Variants in ZBTB20 observed in about 807,000 individuals in gnomAD.
ZBTB20 encodes zinc finger and BTB domain containing 20.
In ZBTB20, 9 loss-of-function variants were observed where a neutral mutation model predicts 56.9. The observed-to-expected ratio is 0.16, with a 90% confidence interval of 0.10 to 0.28. ZBTB20 has a LOEUF of 0.28. Ranked by LOEUF, ZBTB20 falls within the 10% of genes least tolerant of loss-of-function variation. ZBTB20 has a pLI of 1.00. For missense variants in ZBTB20, 655 were observed against 1,003.0 expected (o/e 0.65, Z 4.69); for synonymous variants, 417 against 420.7 (o/e 0.99, Z 0.11).
intron 7 of ZBTB20, among the ~76,000 whole-genome samples, chr3:114,487,387 T>C (rs1332471464): frequency 6.6e-6 from 1 of 152,196 alleles, no homozygotes; most frequent in Non-Finnish European, 1.5e-5. Context: ...CTCCTTAGCT[T>C]GTAGTTGGCC....
In ZBTB20 at chr3:114,350,850, C is replaced by G; in HGVS notation, c.1228G>C (p.Glu410Gln). ...RDSQAEPTQP[E>Q]QAAEAPAEGG... is the part of the protein sequence containing the mutation. ...TCAGCGGGGGCTTCTGCAGCCTGCTCGGGTTGGGTGGGTTCAGCCTGGCTG... is the reference window on the plus strand; with the variant it reads ...TCAGCGGGGGCTTCTGCAGCCTGCTGGGGTTGGGTGGGTTCAGCCTGGCTG... Residue 410 changes from glutamate (E) to glutamine (Q), a missense_variant, in exon 11 of 12, where the codon GAG (glutamate) becomes CAG (glutamine). This residue lies in a region of ZBTB20 where 156 missense variants were observed against 181.0 expected (regional missense o/e 0.86). Coordinates refer to ENST00000675478, the MANE Select transcript of ZBTB20 (RefSeq NM_001348800.3). 2 of 1,611,736 alleles carry G rather than the reference C, an allele frequency of 1.2e-6. No individual in the cohort carries two copies. The highest frequency in any genetic ancestry group is 1.1e-5 in the South Asian group (1 of 91,076).
chr3:114,800,554 C>G (rs577012033), intron 5 of ZBTB20, among the ~76,000 whole-genome samples: 1 of 151,748 alleles, frequency 6.6e-6, no homozygotes, highest in Non-Finnish European at 1.5e-5. Context: ...GGGGAACACA[C>G]GCACACAAGG....
intron 5 of ZBTB20, chr3:114,710,435 T>G (rs1489415373): frequency 6.6e-6 from 1 of 152,204 alleles, no homozygotes; most frequent in East Asian, 1.9e-4. Flanking sequence ...TGGAAAAGAA[T>G]TTCAAATTCA....
chr3:114,783,905 C>A (rs1478292783), intron 5 of ZBTB20, among the ~76,000 whole-genome samples: 3 of 151,750 alleles, frequency 2.0e-5, no homozygotes, highest in Non-Finnish European at 4.4e-5. Context: ...AGAGTAAAAT[C>A]TTGTTTGGAC....
intron 1 of ZBTB20, among the ~76,000 whole-genome samples, chr3:115,109,870 C>T (rs541275592): frequency 1.3e-5 from 2 of 152,174 alleles, no homozygotes; most frequent in South Asian, 4.2e-4. Context: ...AAATAGCTTT[C>T]AAAAGCGATG....
At chr3:114,498,607 G>A (rs1255323313) in intron 7 of ZBTB20, among the ~76,000 whole-genome samples, 1 of 152,200 alleles carries the variant, frequency 6.6e-6, no homozygotes, top group Non-Finnish European at 1.5e-5. Context: ...AACAAGCCAA[G>A]CAAACATGAA....
intron 6 of ZBTB20, among the ~76,000 whole-genome samples, chr3:114,688,732 A>C (rs1252343681): frequency 6.6e-6 from 1 of 152,248 alleles, no homozygotes; most frequent in African/African-American, 2.4e-5. Context: ...ATAATTAATT[A>C]TAAGAGTCTT....
intron 5 of ZBTB20, among the ~76,000 whole-genome samples, chr3:114,770,668 T>G (rs2069132524): frequency 6.6e-6 from 1 of 152,244 alleles, no homozygotes; most frequent in Admixed American, 6.5e-5. Context: ...GTATGTTACC[T>G]TCATTTTCAT....
chr3:114,794,420 C>T (rs956015704), intron 5 of ZBTB20, among the ~76,000 whole-genome samples: 3 of 152,016 alleles, frequency 2.0e-5, no homozygotes, highest in Non-Finnish European at 2.9e-5. Flanking sequence ...AATTTAGCTC[C>T]TGAGTATTGG....
At chr3:114,735,361 A>G (rs911615107) in intron 5 of ZBTB20, among the ~76,000 whole-genome samples, 1 of 152,124 alleles carries the variant, frequency 6.6e-6, no homozygotes, top group Non-Finnish European at 1.5e-5. Context: ...CCTGCAACTC[A>G]AGGCAGTATG....
intron 1 of ZBTB20, among the ~76,000 whole-genome samples, chr3:115,079,206 G>A (rs554629038): frequency 1.1e-4 from 16 of 152,094 alleles, no homozygotes; most frequent in Non-Finnish European, 2.1e-4. Context: ...TCAACACACT[G>A]TATGAATTGC....
intron 5 of ZBTB20, among the ~76,000 whole-genome samples, chr3:114,745,765 T>C (rs566536360): frequency 6.6e-6 from 1 of 152,232 alleles, no homozygotes; most frequent in East Asian, 1.9e-4. Context: ...GAGAGAGAAC[T>C]AACCACATAA....
intron 4 of ZBTB20, among the ~76,000 whole-genome samples, chr3:114,817,455 T>C (rs2073003428): frequency 6.6e-6 from 1 of 151,354 alleles, no homozygotes; most frequent in South Asian, 2.1e-4. Flanking sequence ...GAGGCGGAGG[T>C]TGCGGTGAGC....
chr3:114,952,524 G>A (rs2077103877), intron 3 of ZBTB20, among the ~76,000 whole-genome samples: 1 of 151,840 alleles, frequency 6.6e-6, no homozygotes, highest in Non-Finnish European at 1.5e-5. Flanking sequence ...CAAAATAGTG[G>A]CTAGAAAATT....
chr3:114,418,838 C>T (rs1469586908), intron 7 of ZBTB20, among the ~76,000 whole-genome samples: 1 of 152,040 alleles, frequency 6.6e-6, no homozygotes, highest in East Asian at 1.9e-4. Flanking sequence ...CCACATCGAC[C>T]ATATGTTGCA....
chr3:114,441,363 A>G (rs2090911510), intron 7 of ZBTB20, among the ~76,000 whole-genome samples: 2 of 152,160 alleles, frequency 1.3e-5, no homozygotes, highest in East Asian at 3.9e-4. Context: ...ATAAGTTTCA[A>G]TTCTCCTAAT....
chr3:114,472,126 A>C (rs1341712495), intron 7 of ZBTB20, among the ~76,000 whole-genome samples: 1 of 152,228 alleles, frequency 6.6e-6, no homozygotes, highest in Admixed American at 6.5e-5. Flanking sequence ...CTCTGCACTT[A>C]TGTCTAGAAT....
intron 2 of ZBTB20, among the ~76,000 whole-genome samples, chr3:114,986,990 A>G (rs2078573835): frequency 1.3e-5 from 2 of 152,082 alleles, no homozygotes; most frequent in South Asian, 4.1e-4. Flanking sequence ...TATCTATTCT[A>G]GCTATAGTGT....
At chr3:114,569,250 TGATG>T (rs1385260627) in intron 6 of ZBTB20, among the ~76,000 whole-genome samples, 2 of 152,170 alleles carry the variant, frequency 1.3e-5, no homozygotes, top group African/African-American at 4.8e-5. Context: ...TCAGAAGCAT[TGATG>T]GATGCTCCAT....
Sources: allele counts gnomAD v4.1 joint callset (sites outside exome capture counted in the v4.1 genomes callset), GRCh38; gene constraint gnomAD v4.1.1; regional missense constraint gnomAD v4.1.1; transcripts MANE v1.5; gene names NCBI Gene and HGNC (gene_info 2026-07-23, HGNC 2026-07-21).